DPP6: variants seen among roughly 807,000 people sequenced by gnomAD.
The protein encoded by DPP6 is dipeptidyl peptidase like 6, also known as A-type potassium channel modulatory protein DPP6.
Under a neutral mutation model 122.6 loss-of-function variants are expected in DPP6, and 69 were observed. That is an observed-to-expected ratio of 0.56 (90% CI 0.46 to 0.69). The LOEUF (loss-of-function observed/expected upper bound fraction) is 0.69, where lower values mean the gene tolerates loss of function less well. DPP6 is among the 30% of genes least tolerant of loss of function. The pLI is 0.00. For missense variants in DPP6, 928 were observed against 1,116.9 expected (o/e 0.83, Z 2.41); for synonymous variants, 418 against 433.1 (o/e 0.97, Z 0.43).
At chr7:154,543,461 A>C (rs565552735) in intron 4 of DPP6, among the ~76,000 whole-genome samples, 1 of 152,286 alleles carries the variant, frequency 6.6e-6, no homozygotes, top group South Asian at 2.1e-4. Context: ...GGACAGGTGG[A>C]TGGAAGGGCC....
intron 1 of DPP6, among the ~76,000 whole-genome samples, chr7:154,202,222 T>C (rs1336538161): frequency 6.6e-6 from 1 of 152,210 alleles, no homozygotes; most frequent in Non-Finnish European, 1.5e-5. Context: ...AATGCAAGGC[T>C]GGCCATGCGC....
the DPP6 span, among the ~76,000 whole-genome samples, chr7:153,820,849 A>G: frequency 6.7e-6 from 1 of 149,786 alleles, no homozygotes; most frequent in Non-Finnish European, 1.5e-5. Flanking sequence ...TGTGGAAGTT[A>G]GTGGAACTCT....
rs1312835020 is a variant in DPP6 at position 154,531,411 on chromosome 7, T to C, written c.458-9121T>C. Among the ~76,000 whole-genome samples, 7 of 152,050 alleles carry C rather than the reference T, an allele frequency of 4.6e-5. No individual in the cohort carries two copies. In the East Asian group the frequency reaches 1.4e-3, roughly 29 times the overall value. ...GCAAAAAACAAAACAAAAAACCCTA[T>C]AAACTGGAAATCTATATTCACAGAA... On this transcript the variant is annotated intron_variant, in intron 3 of 25. Transcript: ENST00000377770.
Position 154,468,356 on chromosome 7 carries a change from T to C in DPP6, c.359-6583T>C, listed in dbSNP as rs112951622. On this transcript the variant is annotated intron_variant, in intron 2 of 25. Coordinates refer to ENST00000377770, the MANE Select transcript of DPP6 (RefSeq NM_130797.4). ...GCTGCTAATTGTTATGCTAATCTTT[T>C]GGGGGTAATAAAAATGTTCCAAATT... Among the ~76,000 whole-genome samples, 918 of 152,286 alleles carry C rather than the reference T, an allele frequency of 6.0e-3. 10 individuals are homozygous for C. The highest frequency in any genetic ancestry group is 0.021 in the African/African-American group (860 of 41,562).
At chr7:154,745,254 C>A (rs1235043004) in intron 8 of DPP6, among the ~76,000 whole-genome samples, 1 of 152,130 alleles carries the variant, frequency 6.6e-6, no homozygotes, top group Non-Finnish European at 1.5e-5. Flanking sequence ...GGAGTGGGCT[C>A]AACATCACAC....
At chr7:154,785,990 A>G (rs749317718) in intron 10 of DPP6, among the ~76,000 whole-genome samples, 42 of 152,130 alleles carry the variant, frequency 2.8e-4, no homozygotes, top group Non-Finnish European at 5.1e-4. Flanking sequence ...AGTGCCCTCC[A>G]TAGCCCTGGT....
At chr7:154,724,344 G>T (rs1310018394) in intron 7 of DPP6, among the ~76,000 whole-genome samples, 1 of 152,138 alleles carries the variant, frequency 6.6e-6, no homozygotes, top group African/African-American at 2.4e-5. Flanking sequence ...ATCAGTTTGA[G>T]AACAACTTTG....
intron 13 of DPP6, 22 bp from the exon 14 acceptor site, chr7:154,803,842 A>T: frequency 6.2e-7 from 1 of 1,609,656 alleles, no homozygotes; most frequent in Non-Finnish European, 8.5e-7. Context: ...TCTGCTCCTG[A>T]TGCCATGTCT....
intron 1 of DPP6, among the ~76,000 whole-genome samples, chr7:154,419,533 C>T (rs921233253): frequency 4.6e-5 from 7 of 152,168 alleles, no homozygotes; most frequent in African/African-American, 1.7e-4. Flanking sequence ...CGGGGAGAGG[C>T]GTGCCTGCTG....
intron 17 of DPP6, among the ~76,000 whole-genome samples, chr7:154,854,376 G>A (rs971713607): frequency 1.3e-5 from 2 of 152,188 alleles, no homozygotes; most frequent in Non-Finnish European, 2.9e-5. Context: ...GCAAGATCCC[G>A]TGGGGGTTTA....
intron 1 of DPP6, among the ~76,000 whole-genome samples, chr7:154,400,890 T>C (rs1232721524): frequency 6.6e-6 from 1 of 152,166 alleles, no homozygotes; most frequent in African/African-American, 2.4e-5. Context: ...TAGTGTAAGA[T>C]GAATTGCACA....
At chr7:154,064,965 C>G (rs2150497114) in intron 1 of DPP6, among the ~76,000 whole-genome samples, 1 of 152,264 alleles carries the variant, frequency 6.6e-6, no homozygotes, top group South Asian at 2.1e-4. Context: ...TCCTCAAATG[C>G]CTTTTCCTTA....
intron 8 of DPP6, among the ~76,000 whole-genome samples, chr7:154,745,808 C>T (rs1415822188): frequency 6.6e-6 from 1 of 152,196 alleles, no homozygotes; most frequent in Non-Finnish European, 1.5e-5. Context: ...AGAACTCACT[C>T]ACCCTTGGGG....
intron 3 of DPP6, among the ~76,000 whole-genome samples, chr7:154,501,128 C>T (rs1008760613): frequency 6.6e-6 from 1 of 152,176 alleles, no homozygotes. Flanking sequence ...AGGTTATCTG[C>T]TTGAAGAGAT....
At position 153,987,543 on chromosome 7, in the gene DPP6, A is replaced by G. The variant is rs71530442; in HGVS notation, c.51+99809A>G. 4.1e-3 allele frequency among the ~76,000 whole-genome samples: 599 copies of G among 147,448 alleles called. 3 individuals carry two copies. The highest frequency in any genetic ancestry group is 0.014 in the African/African-American group (561 of 40,178). On this transcript the variant is annotated intron_variant, in intron 1 of 25. Transcript: ENST00000404039. ...ACATATAATTTACAGAAGTGGGAAG[A>G]AATGAATTCAAACCATTTTTTTTTT...
At chr7:153,841,976 G>A in the DPP6 span, among the ~76,000 whole-genome samples, 1 of 152,166 alleles carries the variant, frequency 6.6e-6, no homozygotes, top group Non-Finnish European at 1.5e-5. Context: ...TTTAATGTGT[G>A]CCCAGGTTTC....
intron 1 of DPP6, among the ~76,000 whole-genome samples, chr7:154,347,967 A>C (rs2151073782): frequency 6.6e-6 from 1 of 152,302 alleles, no homozygotes; most frequent in South Asian, 2.1e-4. Flanking sequence ...TGGCTTTGAA[A>C]ACGTTGAAAT....
intron 6 of DPP6, among the ~76,000 whole-genome samples, chr7:154,654,563 C>T (rs182822393): frequency 1.1e-3 from 173 of 151,876 alleles, no homozygotes; most frequent in East Asian, 6.4e-3. Flanking sequence ...GGATTACAGG[C>T]GCATGCCACC....
the DPP6 span, among the ~76,000 whole-genome samples, chr7:153,761,472 C>A: frequency 6.6e-6 from 1 of 152,176 alleles, no homozygotes; most frequent in African/African-American, 2.4e-5. Context: ...AAAAGCTTGT[C>A]AACAATTTGA....
Sources: gnomAD v4.1 joint callset for allele counts (sites outside exome capture counted in the v4.1 genomes callset) on GRCh38, gnomAD v4.1.1 for gene constraint, MANE v1.5 for transcripts, NCBI Gene and HGNC (gene_info 2026-07-23, HGNC 2026-07-21) for gene names.